CACNA2D1: variants seen among roughly 807,000 people sequenced by gnomAD.
CACNA2D1 encodes the protein calcium voltage-gated channel auxiliary subunit alpha2delta 1.
A neutral mutation model predicts 171.5 loss-of-function variants in CACNA2D1; 53 were observed. The ratio of observed to expected loss-of-function variants is 0.31; its 90% CI spans 0.25 to 0.39. The LOEUF (loss-of-function observed/expected upper bound fraction) is 0.39. CACNA2D1 is among the 10% of genes least tolerant of loss of function. The pLI is 1.00. For synonymous variants in CACNA2D1, 442 were observed against 443.1 expected, an observed-to-expected ratio of 1.00 and a Z score of 0.03; for missense variants, 903 against 1,299.8, an observed-to-expected ratio of 0.69 and a Z score of 4.69.
At chr7:82,004,899 A>G (rs1303556879) in intron 18 of CACNA2D1, among the ~76,000 whole-genome samples, 2 of 152,160 alleles carry the variant, frequency 1.3e-5, no homozygotes, top group Non-Finnish European at 2.9e-5. Context: ...CTTGCTGATT[A>G]ATAAATACTT....
intron 10 of CACNA2D1, among the ~76,000 whole-genome samples, chr7:82,041,570 A>T (rs1238938288): frequency 6.6e-6 from 1 of 152,196 alleles, no homozygotes; most frequent in African/African-American, 2.4e-5. Flanking sequence ...GTTTATTTTG[A>T]ACAAGACTTT....
chr7:82,218,126 T>G (rs2189982), intron 3 of CACNA2D1, among the ~76,000 whole-genome samples: 137,408 of 151,698 alleles, frequency 0.91, 62,300 homozygotes, highest in East Asian at 1. Context: ...AGTAGAGACG[T>G]GGTTTCACCG....
At chr7:82,163,661 G>C (rs2129137021) in intron 4 of CACNA2D1, among the ~76,000 whole-genome samples, 1 of 152,092 alleles carries the variant, frequency 6.6e-6, no homozygotes, top group Admixed American at 6.6e-5. Context: ...CTTTTGGGTT[G>C]GAAATAGGGG....
intron 20 of CACNA2D1, among the ~76,000 whole-genome samples, chr7:81,993,853 T>G (rs1440701260): frequency 6.6e-6 from 1 of 152,062 alleles, no homozygotes; most frequent in East Asian, 1.9e-4. Context: ...AAGAAAAATA[T>G]CAATGGGAGT....
intron 6 of CACNA2D1, among the ~76,000 whole-genome samples, chr7:82,099,631 A>G (rs1334495809): frequency 2.0e-5 from 2 of 98,118 alleles, no homozygotes; most frequent in African/African-American, 3.4e-5. Context: ...TTGTATTTTT[A>G]GTAGAGACAG....
chr7:81,968,808 A>G (rs946981882), intron 29 of CACNA2D1, 79 bp downstream of exon 29: 2 of 832,352 alleles, frequency 2.4e-6, no homozygotes, highest in African/African-American at 3.4e-5. Context: ...CCTTCTTGAT[A>G]AACATTGCCA....
At chr7:81,972,898 T>C (rs967342750) in intron 25 of CACNA2D1, among the ~76,000 whole-genome samples, 2 of 152,070 alleles carry the variant, frequency 1.3e-5, no homozygotes, top group Non-Finnish European at 2.9e-5. Flanking sequence ...AAAGGATCAA[T>C]GTAATCCCTA....
intron 3 of CACNA2D1, among the ~76,000 whole-genome samples, chr7:82,247,589 G>C (rs1199436688): frequency 6.6e-6 from 1 of 152,020 alleles, no homozygotes; most frequent in African/African-American, 2.4e-5. Flanking sequence ...GTAAATCCAA[G>C]CATGCATTGC....
At chr7:82,286,895 C>T (rs1389813646) in intron 3 of CACNA2D1, among the ~76,000 whole-genome samples, 1 of 152,206 alleles carries the variant, frequency 6.6e-6, no homozygotes, top group Middle Eastern at 3.4e-3. Context: ...CTGCTTGGAA[C>T]ACATTTAACT....
At chr7:81,994,843 A>T (rs778556344) in intron 20 of CACNA2D1, 25 bp downstream of exon 20, 1 of 1,145,992 alleles carries the variant, frequency 8.7e-7, no homozygotes, top group South Asian at 1.3e-5. Context: ...TTTTTATTTA[A>T]GAATAAGCTA....
intron 4 of CACNA2D1, among the ~76,000 whole-genome samples, chr7:82,150,915 C>T (rs1033739824): frequency 1.3e-5 from 2 of 152,040 alleles, no homozygotes; most frequent in Non-Finnish European, 2.9e-5. Context: ...TATATAATTG[C>T]TTGGAAACAA....
chr7:81,959,615 A>C, intron 37 of CACNA2D1, 105 bp downstream of exon 37: 1 of 1,244,490 alleles, frequency 8.0e-7, no homozygotes, highest in Non-Finnish European at 1.1e-6. Flanking sequence ...CGAGGTGATC[A>C]GAGCAGTCTA....
At chr7:82,256,662 A>T (rs1806348996) in intron 3 of CACNA2D1, among the ~76,000 whole-genome samples, 1 of 152,180 alleles carries the variant, frequency 6.6e-6, no homozygotes, top group South Asian at 2.1e-4. Context: ...ATCTTTACTA[A>T]TGACTTTATT....
At chr7:82,094,299 T>TA (rs1414228925) in intron 6 of CACNA2D1, among the ~76,000 whole-genome samples, 1 of 152,110 alleles carries the variant, frequency 6.6e-6, no homozygotes, top group Non-Finnish European at 1.5e-5. Context: ...CGAATCATAA[T>TA]ATATAAAGGT....
chr7:82,173,263 G>C (rs1584999258), intron 3 of CACNA2D1, among the ~76,000 whole-genome samples: 1 of 152,086 alleles, frequency 6.6e-6, no homozygotes, highest in East Asian at 1.9e-4. Context: ...GTCCAAATCG[G>C]CTTTATTTAT....
At chr7:82,225,390 G>A (rs751943496) in intron 3 of CACNA2D1, among the ~76,000 whole-genome samples, 6 of 152,068 alleles carry the variant, frequency 3.9e-5, no homozygotes, top group Admixed American at 1.3e-4. Flanking sequence ...ATTGAATTGC[G>A]GTGTTAAATC....
At chr7:82,140,731 G>A (rs890963117) in intron 4 of CACNA2D1, among the ~76,000 whole-genome samples, 4 of 151,954 alleles carry the variant, frequency 2.6e-5, no homozygotes, top group African/African-American at 9.7e-5. Flanking sequence ...CGAGGCGGGT[G>A]GATCACAAGG....
At chr7:82,359,590 T>C (rs2129447018) in intron 1 of CACNA2D1, among the ~76,000 whole-genome samples, 1 of 152,252 alleles carries the variant, frequency 6.6e-6, no homozygotes, top group Admixed American at 6.5e-5. Context: ...TCGAATCCTC[T>C]TCAGCTACTG....
intron 7 of CACNA2D1, among the ~76,000 whole-genome samples, chr7:82,074,595 T>C (rs1808734612): frequency 6.6e-6 from 1 of 152,154 alleles, no homozygotes; most frequent in Non-Finnish European, 1.5e-5. Flanking sequence ...GTTTACAAGT[T>C]TTCCTTTTCA....
Sources: allele counts gnomAD v4.1 joint callset (sites outside exome capture counted in the v4.1 genomes callset), GRCh38; gene constraint gnomAD v4.1.1; transcripts MANE v1.5; gene names NCBI Gene and HGNC (gene_info 2026-07-23, HGNC 2026-07-21).